Variants in DLEU7 observed in about 807,000 individuals in gnomAD.
The protein encoded by DLEU7 is deleted in lymphocytic leukemia 7.
Under a neutral mutation model 16.0 loss-of-function variants are expected in DLEU7, and 17 were observed. The ratio of observed to expected loss-of-function variants is 1.06; its 90% CI spans 0.73 to 1.59. The LOEUF is 1.59. Ranked by LOEUF, DLEU7 falls within the 40% of genes most tolerant of loss-of-function variation. The probability of loss-of-function intolerance (pLI) is 0.00; values close to 1 mark genes in which losing one functional copy is unlikely to be tolerated. For missense variants in DLEU7, 308 were observed against 314.9 expected (o/e 0.98, Z 0.17); for synonymous variants, 113 against 139.8 (o/e 0.81, Z 1.35).
upstream of DLEU7, chr13:50,843,746 G>T: frequency 7.0e-7 from 1 of 1,433,028 alleles, no homozygotes; most frequent in Non-Finnish European, 9.1e-7. The surrounding 1 kb of genome is among the most constrained non-coding windows in gnomAD (Gnocchi z 5.7). Context: ...CTAACCCGCG[G>T]CTCCTCGGCC....
At chr13:50,837,628 A>G (rs4264297) in intron 1 of DLEU7, among the ~76,000 whole-genome samples, 70,052 of 152,010 alleles carry the variant, frequency 0.46, 16,471 homozygotes, top group Middle Eastern at 0.52. Flanking sequence ...AACCGTGAGC[A>G]TTTATGTCTT....
chr13:50,772,844 A>G (rs1229639056), intron 1 of DLEU7, among the ~76,000 whole-genome samples: 1 of 152,184 alleles, frequency 6.6e-6, no homozygotes, highest in African/African-American at 2.4e-5. Flanking sequence ...TCTCCTGGAT[A>G]ATATCCTGCA....
chr13:50,730,921 A>G (rs1233583516), intron 1 of DLEU7, among the ~76,000 whole-genome samples: 8 of 152,142 alleles, frequency 5.3e-5, no homozygotes, highest in Admixed American at 1.3e-4. Context: ...ACTTAATCAA[A>G]AGGAAAACCC....
exon 2 of DLEU7, chr13:50,713,037 A>T (rs1474904987): frequency 1.6e-6 from 1 of 624,570 alleles, no homozygotes; most frequent in African/African-American, 1.8e-5. Context: ...AGGTAATAAG[A>T]AGTCAGAGAT....
intron 1 of DLEU7, among the ~76,000 whole-genome samples, chr13:50,802,117 C>A (rs2137782296): frequency 1.9e-5 from 1 of 52,804 alleles, no homozygotes; most frequent in Admixed American, 3.2e-4. Flanking sequence ...AGCCTCTATA[C>A]ACTAAAAAAA....
chr13:50,825,525 G>C (rs190734962), intron 1 of DLEU7, among the ~76,000 whole-genome samples: 1 of 152,106 alleles, frequency 6.6e-6, no homozygotes, highest in African/African-American at 2.4e-5. Flanking sequence ...TGATCATACT[G>C]GATACTGTCA....
At chr13:50,716,134 C>A (rs1012654886) in intron 1 of DLEU7, among the ~76,000 whole-genome samples, 1 of 152,250 alleles carries the variant, frequency 6.6e-6, no homozygotes, top group Non-Finnish European at 1.5e-5. Context: ...AACAAGTTCA[C>A]TGGGCAGTTC....
intron 1 of DLEU7, among the ~76,000 whole-genome samples, chr13:50,777,573 G>A (rs1017102477): frequency 2.0e-5 from 3 of 152,186 alleles, no homozygotes; most frequent in Non-Finnish European, 2.9e-5. Context: ...ATAAACCCAT[G>A]TATATATCCT....
Position 50,823,130 on chromosome 13 carries a change from A to T in DLEU7, c.*184T>A, listed in dbSNP as rs1338286590. ...AAATATGAACTACTGCTTTAAAAAA[A>T]TTTCATTAACATGCTATAATCCCGA... On this transcript the variant is annotated 3_prime_UTR_variant, in exon 2 of 2. Coordinates refer to ENST00000504404, the MANE Select transcript of DLEU7 (RefSeq NM_001306135.2). 7 of 1,392,150 alleles carry T rather than the reference A, an allele frequency of 5.0e-6. No individual in the cohort carries two copies. The highest frequency in any genetic ancestry group is 6.1e-5 in the Admixed American group (2 of 32,948). The allele number at this position is 1,392,150 out of a possible 1,614,324, so 86.2% of individuals were successfully genotyped here.
At chr13:50,775,088 C>T (rs988362162) in intron 1 of DLEU7, among the ~76,000 whole-genome samples, 1 of 151,566 alleles carries the variant, frequency 6.6e-6, no homozygotes, top group Non-Finnish European at 1.5e-5. Flanking sequence ...TCTCGTTATT[C>T]TGTAGGTCTC....
At chr13:50,805,838 G>T (rs79032692) in intron 1 of DLEU7, among the ~76,000 whole-genome samples, 26,923 of 151,964 alleles carry the variant, frequency 0.18, 4,213 homozygotes, top group African/African-American at 0.42. Flanking sequence ...TTTCTTTTTT[G>T]GGAAGTAAAG....
At chr13:50,786,636 A>G (rs765825211) in intron 1 of DLEU7, among the ~76,000 whole-genome samples, 1 of 152,184 alleles carries the variant, frequency 6.6e-6, no homozygotes, top group Non-Finnish European at 1.5e-5. Context: ...AGCTTTACCA[A>G]CTGAATCTCT....
At chr13:50,770,103 A>AT (rs1484711776) in intron 1 of DLEU7, among the ~76,000 whole-genome samples, 1 of 151,948 alleles carries the variant, frequency 6.6e-6, no homozygotes, top group East Asian at 1.9e-4. Context: ...AATGCTTGTG[A>AT]TTTTTGCCCA....
chr13:50,778,221 G>A (rs566315989), intron 1 of DLEU7, among the ~76,000 whole-genome samples: 2 of 152,128 alleles, frequency 1.3e-5, no homozygotes, highest in Non-Finnish European at 2.9e-5. Context: ...GAGAGCAAAG[G>A]GGGAACTGGC....
intron 1 of DLEU7, among the ~76,000 whole-genome samples, chr13:50,777,477 T>A (rs1875537521): frequency 6.6e-6 from 1 of 152,214 alleles, no homozygotes; most frequent in Non-Finnish European, 1.5e-5. Context: ...TTCTTCAGCT[T>A]TGGGACTCGG....
At chr13:50,806,619 G>C (rs1355668870) in intron 1 of DLEU7, among the ~76,000 whole-genome samples, 9 of 151,852 alleles carry the variant, frequency 5.9e-5, no homozygotes, top group Non-Finnish European at 1.3e-4. Context: ...ATAAATAAAT[G>C]CTATAAATAT....
intron 1 of DLEU7, among the ~76,000 whole-genome samples, chr13:50,771,613 A>T (rs1317139984): frequency 6.6e-6 from 1 of 152,214 alleles, no homozygotes; most frequent in Non-Finnish European, 1.5e-5. Context: ...GTTTGATTGC[A>T]CTGTGGTCTG....
intron 1 of DLEU7, among the ~76,000 whole-genome samples, chr13:50,836,248 C>A (rs1877456532): frequency 6.6e-6 from 1 of 152,194 alleles, no homozygotes; most frequent in African/African-American, 2.4e-5. Context: ...CTAGCTCTCC[C>A]TGAAGCCTTC....
intron 1 of DLEU7, among the ~76,000 whole-genome samples, chr13:50,717,859 A>G (rs2706235): frequency 0.082 from 12,429 of 152,278 alleles, 573 homozygotes; most frequent in East Asian, 0.15. Context: ...AATGACATTT[A>G]CAAAGCAGGC....
Sources: allele counts gnomAD v4.1 joint callset (sites outside exome capture counted in the v4.1 genomes callset), GRCh38; gene constraint gnomAD v4.1.1; non-coding constraint Gnocchi (gnomAD v3.1); transcripts MANE v1.5; gene names NCBI Gene and HGNC (gene_info 2026-07-23, HGNC 2026-07-21).